The following FAT3 variants were observed in gnomAD, a reference collection of about 807,000 sequenced individuals.
FAT3 encodes FAT atypical cadherin 3, also known as protocadherin Fat 3.
FAT3 carries 95 observed loss-of-function variants against 310.2 expected under a neutral mutation model. That is an observed-to-expected ratio of 0.31 (90% confidence interval 0.26 to 0.36). The LOEUF (loss-of-function observed/expected upper bound fraction) is 0.36, where lower values mean the gene tolerates loss of function less well. Among genes scored for constraint, FAT3 ranks in the 10% least tolerant of loss-of-function variants. The pLI, the probability that FAT3 is intolerant of heterozygous loss-of-function variation, is 1.00. For missense variants in FAT3, 5,408 were observed against 5,715.6 expected, an observed-to-expected ratio of 0.95 and a Z score of 1.74; for synonymous variants, 2,314 against 2,192.9, an observed-to-expected ratio of 1.06 and a Z score of -1.54.
chr11:92,891,210 A>G lies in FAT3; in HGVS notation c.*97A>G, dbSNP rs2136452052. 1 of 1,449,326 alleles carries G rather than the reference A, an allele frequency of 6.9e-7. No individual in the cohort carries two copies. The highest frequency in any genetic ancestry group is 1.3e-5 in the South Asian group (1 of 76,884). 89.8% of individuals were successfully genotyped at this position (1,449,326 alleles called of 1,614,324 possible). On this transcript the variant is annotated 3_prime_UTR_variant, in exon 28 of 28. Transcript: ENST00000525166. Reference sequence around the variant, plus strand: ...AGTGGAGCATTGTCTGTGGAATGAGAAGGGAATACTGTATTTTTCCACTAG... The same window carrying G: ...AGTGGAGCATTGTCTGTGGAATGAGGAGGGAATACTGTATTTTTCCACTAG...
intron 3 of FAT3, among the ~76,000 whole-genome samples, chr11:92,555,773 T>G (rs1196628320): frequency 6.6e-6 from 1 of 152,250 alleles, no homozygotes; most frequent in African/African-American, 2.4e-5. Context: ...TCCAAGGCTT[T>G]TATGCAGTTC....
chr11:92,465,422 A>G (rs1473729064), intron 2 of FAT3, among the ~76,000 whole-genome samples: 2 of 152,124 alleles, frequency 1.3e-5, no homozygotes, highest in Non-Finnish European at 2.9e-5. Context: ...AGTCCCACCA[A>G]CAGTGTAAAA....
intron 4 of FAT3, among the ~76,000 whole-genome samples, chr11:92,725,555 A>G (rs1199672499): frequency 6.6e-6 from 1 of 152,202 alleles, no homozygotes; most frequent in Non-Finnish European, 1.5e-5. Context: ...GAAGAAAAAA[A>G]AGAAAAAAAG....
At chr11:92,732,929 C>T (rs2254992) in intron 4 of FAT3, among the ~76,000 whole-genome samples, 35,595 of 151,960 alleles carry the variant, frequency 0.23, 4,980 homozygotes, top group African/African-American at 0.39. Context: ...GATAAAGGAC[C>T]ACTTCCCTGT....
At chr11:92,837,008 T>A (rs1948425268) in intron 16 of FAT3, among the ~76,000 whole-genome samples, 1 of 152,148 alleles carries the variant, frequency 6.6e-6, no homozygotes, top group Non-Finnish European at 1.5e-5. Context: ...TGGGACCCTG[T>A]GATCCTGACT....
chr11:92,492,610 T>C (rs536407826), intron 2 of FAT3, among the ~76,000 whole-genome samples: 2 of 152,094 alleles, frequency 1.3e-5, no homozygotes, highest in South Asian at 2.1e-4. Context: ...GGAAGGTTGA[T>C]AAATCCCTTC....
chr11:92,302,358 G>A (rs1947021341), intron 1 of FAT3, among the ~76,000 whole-genome samples: 1 of 151,844 alleles, frequency 6.6e-6, no homozygotes, highest in Admixed American at 6.6e-5. Context: ...CTAGCATTTA[G>A]TCAGCTGAAA....
intron 1 of FAT3, among the ~76,000 whole-genome samples, chr11:92,238,382 T>G (rs1202512343): frequency 2.6e-5 from 4 of 152,170 alleles, no homozygotes; most frequent in Non-Finnish European, 4.4e-5. Flanking sequence ...GCTCCCAGTA[T>G]ATACTCAGAG....
chr11:92,583,638 G>A (rs540091998), intron 3 of FAT3, among the ~76,000 whole-genome samples: 3 of 151,722 alleles, frequency 2.0e-5, no homozygotes, highest in East Asian at 3.9e-4. Context: ...AAAGTTTCCC[G>A]CTTTACCCAG....
chr11:92,423,732 A>C (rs2134990169), intron 2 of FAT3, among the ~76,000 whole-genome samples: 1 of 152,316 alleles, frequency 6.6e-6, no homozygotes, highest in Non-Finnish European at 1.5e-5. Flanking sequence ...ATGATTGTGG[A>C]GCTGGAGAAG....
At position 92,891,142 on chromosome 11, in the gene FAT3, T is replaced by G. The variant is rs1445488184; in HGVS notation, c.*29T>G. 10 of 1,602,800 alleles carry G rather than the reference T, an allele frequency of 6.2e-6. No individual in the cohort carries two copies. The highest frequency in any genetic ancestry group is 2.7e-5 in the African/African-American group (2 of 74,782). On this transcript the variant is annotated 3_prime_UTR_variant, in exon 28 of 28. Coordinates refer to ENST00000525166, the MANE Select transcript of FAT3 (RefSeq NM_001367949.2). ...TCACATCTTGGGTACTTCACCCTGT[T>G]TGTTACAGAAAAGTGGAAGCAGATT... is the stretch of plus-strand genomic sequence containing the variant.
At chr11:92,868,939 A>G (rs1379800717) in intron 22 of FAT3, among the ~76,000 whole-genome samples, 4 of 152,204 alleles carry the variant, frequency 2.6e-5, no homozygotes, top group African/African-American at 9.6e-5. Flanking sequence ...CCCACTTGCC[A>G]TATACTTTTC....
At chr11:92,779,739 A>G (rs1946691681) in intron 7 of FAT3, among the ~76,000 whole-genome samples, 1 of 152,146 alleles carries the variant, frequency 6.6e-6, no homozygotes, top group Non-Finnish European at 1.5e-5. Flanking sequence ...TAGGGTATAA[A>G]TCTTAAGACA....
intron 1 of FAT3, among the ~76,000 whole-genome samples, chr11:92,327,251 G>C (rs1434397108): frequency 6.6e-6 from 1 of 151,150 alleles, no homozygotes; most frequent in Non-Finnish European, 1.5e-5. Flanking sequence ...TTTTCTACTT[G>C]CAAAGCCAAG....
In FAT3 at chr11:92,353,741, C is replaced by G; in HGVS notation, c.1629C>G (p.Tyr543Ter). ...ELDFESSPEI[Y>*]RFIVRASDWG... ...ATTTTGAATCCTCCCCAGAAATTTA[C>G]AGATTCATTGTTAGAGCCTCTGACT... Residue 543 changes from tyrosine to a stop codon, truncating the protein, a stop_gained, in exon 2 of 28, where the codon TAC becomes TAG. Coordinates refer to ENST00000525166, the MANE Select transcript of FAT3 (RefSeq NM_001367949.2). LOFTEE classifies it high-confidence loss of function. 1 of 1,613,884 alleles carries G rather than the reference C, an allele frequency of 6.2e-7. No homozygotes were observed. Among genetic ancestry groups the G allele is most frequent in the Non-Finnish European group, 8.5e-7 (1 of 1,179,846 alleles).
intron 1 of FAT3, among the ~76,000 whole-genome samples, chr11:92,349,669 C>G (rs1466399324): frequency 6.6e-6 from 1 of 152,206 alleles, no homozygotes; most frequent in African/African-American, 2.4e-5. Flanking sequence ...GGTCCCTGCC[C>G]TAGTTACCAG....
intron 7 of FAT3, among the ~76,000 whole-genome samples, chr11:92,787,376 T>C (rs775614371): frequency 3.3e-5 from 5 of 151,958 alleles, no homozygotes; most frequent in Non-Finnish European, 7.4e-5. Flanking sequence ...GGTACCTTTA[T>C]ATATAATATT....
Position 92,722,009 on chromosome 11 carries a change from C to G in FAT3, c.3669+24564C>G, listed in dbSNP as rs190063041. Among the ~76,000 whole-genome samples the G allele has an allele frequency of 3.9e-3, 589 of 152,046 alleles. 3 individuals carry two copies. Among genetic ancestry groups the G allele is most frequent in the Middle Eastern group, 0.024 (7 of 292 alleles). On this transcript the variant is annotated intron_variant, in intron 4 of 27. Transcript: ENST00000525166. ...GATTTGGGTGGGGACAGGGCCAAAC[C>G]ATATCATTCTCCCCTGGCCCCTCCC... is the stretch of plus-strand genomic sequence containing the variant.
At chr11:92,627,699 G>A (rs1298780428) in intron 3 of FAT3, among the ~76,000 whole-genome samples, 2 of 152,130 alleles carry the variant, frequency 1.3e-5, no homozygotes, top group South Asian at 2.1e-4. Context: ...CTCTTTAGAC[G>A]TTCCTTAGCA....
Sources: gnomAD v4.1 joint callset for allele counts (sites outside exome capture counted in the v4.1 genomes callset) on GRCh38, gnomAD v4.1.1 for gene constraint, MANE v1.5 for transcripts, NCBI Gene and HGNC (gene_info 2026-07-23, HGNC 2026-07-21) for gene names.